Variants in SKOR2 observed in about 807,000 individuals in gnomAD.
SKOR2 encodes SKI family transcriptional corepressor 2.
SKOR2 carries 47 observed loss-of-function variants against 69.1 expected under a neutral mutation model. The observed-to-expected ratio is 0.68, with a 90% confidence interval of 0.54 to 0.87. The LOEUF is 0.87. Among genes scored for constraint, SKOR2 ranks in the 40% least tolerant of loss-of-function variants. The pLI, the probability that SKOR2 is intolerant of heterozygous loss-of-function variation, is 0.00. For synonymous variants in SKOR2, 717 were observed against 672.6 expected, an observed-to-expected ratio of 1.07 and a Z score of -1.02; for missense variants, 1,404 against 1,472.2, an observed-to-expected ratio of 0.95 and a Z score of 0.76.
rs1369715370 is a variant in SKOR2, at chr18:47,246,702, C to T, written c.2482G>A (p.Asp828Asn). The change falls in exon 2 of 9, where the codon GAC becomes AAC. Residue 828 changes from aspartate to asparagine, a missense_variant. By Grantham distance (23) the Asp-to-Asn change is conservative. Around this residue, in one of 3 missense-constraint regions of SKOR2, gnomAD observed 1,266 missense variants for 1,309.9 expected, o/e 0.97. Coordinates refer to ENST00000425639, the MANE Select transcript of SKOR2 (RefSeq NM_001278063.4). ...RLLQEDGKLG[D>N]PGSDLPPPPP... ...GGCGGGGGCAGGTCCGAGCCGGGGT[C>T]CCCGAGTTTCCCGTCTTCCTGCAGC... 4.8e-6 allele frequency: 7 copies of T among 1,455,230 alleles called. No homozygotes were observed. The African/African-American group carries it at 7.5e-5, about 16-fold the overall frequency. The allele number at this position is 1,455,230 out of a possible 1,614,324, so 90.1% of individuals were successfully genotyped here.
chr18:47,230,413 C>T (rs900217751), intron 6 of SKOR2, 46 bp downstream of exon 6: 29 of 1,114,140 alleles, frequency 2.6e-5, no homozygotes, highest in East Asian at 5.8e-5. Flanking sequence ...ATAATAGAAA[C>T]GTAATCAATT....
chr18:47,231,213 C>A, intron 4 of SKOR2: 1 of 1,519,668 alleles, frequency 6.6e-7, no homozygotes, highest in Non-Finnish European at 8.8e-7. Flanking sequence ...GCCTGCCTGG[C>A]CTGTGATGGC....
chr18:47,206,188 T>C lies in SKOR2; in HGVS notation c.*708A>G, dbSNP rs1455456525. On this transcript the variant is annotated 3_prime_UTR_variant, in exon 9 of 9. Transcript: ENST00000425639. ...CAACCATTACTTCATAGTTTTTTTA[T>C]TATAGACTTTTTTATCCACATGAAT... is the stretch of plus-strand genomic sequence containing the variant. 6.6e-6 allele frequency: 1 copy of C among 152,184 alleles called. No homozygotes were observed. The allele number at this position is 152,184 out of a possible 1,614,324, so 9.4% of individuals were successfully genotyped here.
In SKOR2 at chr18:47,248,014, C is replaced by A; in HGVS notation, c.1170G>T (p.Ser390=). ...GGAACTTCTGCAGGACGCCCCCGAA[C>A]GAGCCCTTGCTGGGCACCGGGATGA... ...YPVIPVPSKG[S]FGGVLQKFPG... The change falls in exon 2 of 9, where the codon TCG becomes TCT. Residue 390 remains serine, a synonymous_variant. Transcript: ENST00000425639. This position sits in a 1 kb window ranked among gnomAD's most constrained non-coding sequence, Gnocchi z 6.4. 31 of 1,438,940 alleles carry A rather than the reference C, an allele frequency of 2.2e-5. No individual in the cohort carries two copies. The highest frequency in any genetic ancestry group is 2.6e-5 in the Non-Finnish European group (29 of 1,097,670). 89.1% of individuals were successfully genotyped at this position (1,438,940 alleles called of 1,614,324 possible).
In SKOR2 at chr18:47,247,780, G is replaced by A; in HGVS notation, c.1404C>T (p.Cys468=). The change falls in exon 2 of 9, where the codon TGC becomes TGT. Residue 468 remains cysteine, a synonymous_variant. Transcript: ENST00000425639. This position sits in a 1 kb window ranked among gnomAD's most constrained non-coding sequence, Gnocchi z 6.6. ...CAGGGGTCCGCGGCGGCCAGAACAT[G>A]CAGAAGGGCGGATAGAAGGCGTCCT... ...GRKDAFYPPF[C]MFWPPRTPGG... 1 of 1,397,594 alleles carries A rather than the reference G, an allele frequency of 7.2e-7. No individual in the cohort carries two copies. The highest frequency in any genetic ancestry group is 9.2e-7 in the Non-Finnish European group (1 of 1,083,950). The allele number at this position is 1,397,594 out of a possible 1,614,324, so 86.6% of individuals were successfully genotyped here.
intron 4 of SKOR2, among the ~76,000 whole-genome samples, chr18:47,233,173 G>T (rs1372676648): frequency 6.6e-6 from 1 of 152,106 alleles, no homozygotes; most frequent in Admixed American, 6.5e-5. Flanking sequence ...TTCCTTAATA[G>T]CAAGCATCTT....
rs112177949 is a variant in SKOR2, at chr18:47,209,151, CA to C, written c.*4-2260del. ...GAATTTCTTATGTTCTAATGTAGGA[CA>C]AAAAAAAAATGTGCAGATCAGTGAT... is the stretch of plus-strand genomic sequence containing the variant. On this transcript the variant is annotated intron_variant, in intron 8 of 8. Transcript: ENST00000425639. Among the ~76,000 whole-genome samples, 580 of 146,370 alleles carry C rather than the reference CA, an allele frequency of 4.0e-3. 1 individual carries two copies. Among genetic ancestry groups the C allele is most frequent in the African/African-American group, 7.2e-3 (288 of 39,964 alleles).
intron 7 of SKOR2, among the ~76,000 whole-genome samples, chr18:47,212,879 G>A (rs1034260714): frequency 6.6e-6 from 1 of 152,074 alleles, no homozygotes; most frequent in African/African-American, 2.4e-5. Context: ...TGGGAAGAAC[G>A]CTTGAGCCCA....
chr18:47,244,477 T>C (rs768990717), intron 4 of SKOR2, among the ~76,000 whole-genome samples: 3 of 152,210 alleles, frequency 2.0e-5, no homozygotes, highest in Non-Finnish European at 4.4e-5. Flanking sequence ...ATTTGTATAA[T>C]GTAATTTTTG....
intron 4 of SKOR2, among the ~76,000 whole-genome samples, chr18:47,242,311 G>T (rs1364780493): frequency 6.6e-6 from 1 of 152,062 alleles, no homozygotes; most frequent in Non-Finnish European, 1.5e-5. Context: ...CTCTGTGAAG[G>T]ACTTAGTTTG....
Position 47,226,663 on chromosome 18 carries a change from T to C in SKOR2, c.2917+3796A>G, listed in dbSNP as rs150491557. Among the ~76,000 whole-genome samples the C allele has an allele frequency of 1.7e-3, 258 of 152,348 alleles. 1 individual carries two copies. Among genetic ancestry groups the C allele is most frequent in the African/African-American group, 6.0e-3 (250 of 41,574 alleles). ...TAAACCTTTACAAGTTCTGGTTTCT[T>C]ACATTAGCTGGTTTACTATACAGTC... On this transcript the variant is annotated intron_variant, in intron 6 of 8. Coordinates refer to ENST00000425639, the MANE Select transcript of SKOR2 (RefSeq NM_001278063.4).
At chr18:47,249,560 T>G (rs2064303757) in intron 1 of SKOR2, among the ~76,000 whole-genome samples, 1 of 152,224 alleles carries the variant, frequency 6.6e-6, no homozygotes, top group African/African-American at 2.4e-5. Flanking sequence ...CTTCTAGAAA[T>G]TAAATAGTAA....
chr18:47,221,843 C>G (rs949985005), intron 6 of SKOR2, among the ~76,000 whole-genome samples: 7 of 152,182 alleles, frequency 4.6e-5, no homozygotes, highest in Admixed American at 1.3e-4. Flanking sequence ...TACCACAGTG[C>G]CTGGCACACG....
intron 8 of SKOR2, among the ~76,000 whole-genome samples, chr18:47,209,636 T>C (rs1426656522): frequency 6.6e-6 from 1 of 152,218 alleles, no homozygotes; most frequent in Non-Finnish European, 1.5e-5. Flanking sequence ...ATCTTTTTTT[T>C]TCTTTTTCCC....
chr18:47,249,298 G>A (rs765046814), intron 1 of SKOR2, 68 bp from the exon 2 acceptor site: 113 of 1,290,746 alleles, frequency 8.8e-5, no homozygotes, highest in Non-Finnish European at 1.1e-4. Flanking sequence ...GGGATGAATC[G>A]CTAACCAAAG....
chr18:47,249,243 G>A lies in SKOR2; in HGVS notation c.-47-13C>T. ...TCTGCCTTGGACACTGGAAGGGAAA[G>A]GAGAAAGCGTTGACTTGAGCCTTTT... On this transcript the variant is annotated splice_polypyrimidine_tract_variant and intron_variant, in intron 1 of 8. Transcript: ENST00000425639. 1 of 1,484,438 alleles carries A rather than the reference G, an allele frequency of 6.7e-7. No homozygotes were observed. Among genetic ancestry groups the A allele is most frequent in the Non-Finnish European group, 8.9e-7 (1 of 1,121,452 alleles). The allele number at this position is 1,484,438 out of a possible 1,614,324, so 92.0% of individuals were successfully genotyped here. A position where few individuals can be genotyped will look rare whatever the true frequency, so the allele number is the denominator to read the frequency against.
chr18:47,220,820 T>C (rs542632571), intron 6 of SKOR2, among the ~76,000 whole-genome samples: 32 of 152,342 alleles, frequency 2.1e-4, no homozygotes, highest in African/African-American at 7.5e-4. Flanking sequence ...CGATTTCTTA[T>C]TGAATTTGTG....
rs2144514254 is a variant in SKOR2, at chr18:47,246,563, A to T, written c.2613+8T>A. 4 of 1,512,002 alleles carry T rather than the reference A, an allele frequency of 2.6e-6. No homozygotes were observed. In the East Asian group the frequency reaches 7.9e-5, roughly 30 times the overall value. 93.7% of individuals were successfully genotyped at this position (1,512,002 alleles called of 1,614,324 possible). On this transcript the variant is annotated splice_region_variant and intron_variant, in intron 2 of 8. Coordinates refer to ENST00000425639, the MANE Select transcript of SKOR2 (RefSeq NM_001278063.4). ...ATTAGCTTGAAGGAGCCTAAAGGGG[A>T]TATTTACATCTTTGTAGGAGGGCTG... is the stretch of plus-strand genomic sequence containing the variant.
chr18:47,210,807 C>T (rs2064125604), intron 8 of SKOR2, among the ~76,000 whole-genome samples: 1 of 152,144 alleles, frequency 6.6e-6, no homozygotes, highest in Non-Finnish European at 1.5e-5. Flanking sequence ...ATCATCTGCT[C>T]ACCAAGAACA....
Sources: allele counts gnomAD v4.1 joint callset (sites outside exome capture counted in the v4.1 genomes callset), GRCh38; gene constraint gnomAD v4.1.1; regional missense constraint gnomAD v4.1.1; non-coding constraint Gnocchi (gnomAD v3.1); transcripts MANE v1.5; gene names NCBI Gene and HGNC (gene_info 2026-07-23, HGNC 2026-07-21).